Variants in SMG6 observed in about 807,000 individuals in gnomAD.
The protein encoded by SMG6 is telomerase-binding protein EST1A.
In SMG6, 66 loss-of-function variants were observed where a neutral mutation model predicts 142.2. The observed-to-expected ratio is 0.46, with a 90% CI of 0.38 to 0.57. SMG6 has a LOEUF of 0.57. Ranked by LOEUF, SMG6 falls within the 20% of genes least tolerant of loss-of-function variation. The probability of loss-of-function intolerance (pLI) is 0.00; values close to 1 mark genes in which losing one functional copy is unlikely to be tolerated. For synonymous variants in SMG6, 779 were observed against 702.4 expected (o/e 1.11, Z -1.72); for missense variants, 1,793 against 1,832.0 (o/e 0.98, Z 0.39).
At chr17:2,298,662 G>A (rs1420226480) in intron 2 of SMG6, among the ~76,000 whole-genome samples, 1 of 151,100 alleles carries the variant, frequency 6.6e-6, no homozygotes, top group Non-Finnish European at 1.5e-5. Context: ...AGTTTGTAGT[G>A]AGCCAAGATC....
In SMG6 at chr17:2,299,900, T is replaced by C; in HGVS notation, c.853A>G (p.Arg285Gly). The C allele has an allele frequency of 6.2e-7, 1 of 1,614,200 alleles. No homozygotes were observed. ...DNGCRRRRQD[R>G]TKERPRLKKQ... ...TTCAGTCGTGGCCTCTCCTTGGTCC[T>C]ATCCTGTCGGCGGCGGCGACATCCA... Residue 285 changes from arginine (R) to glycine (G), a missense_variant, in exon 2 of 19, where the codon AGG becomes GGG. Transcript: ENST00000263073. The surrounding 1 kb of genome is among the most constrained non-coding windows in gnomAD (Gnocchi z 4.3).
chr17:2,090,532 G>A (rs895129485), intron 13 of SMG6, among the ~76,000 whole-genome samples: 8 of 152,192 alleles, frequency 5.3e-5, no homozygotes, highest in Non-Finnish European at 7.3e-5. Flanking sequence ...TGAGGGACTC[G>A]CTCTATCGTT....
intron 10 of SMG6, among the ~76,000 whole-genome samples, chr17:2,232,232 C>T (rs1262432875): frequency 2.0e-5 from 3 of 152,062 alleles, no homozygotes; most frequent in Non-Finnish European, 4.4e-5. Context: ...CCTTAAATTA[C>T]AAAATTTTTA....
At chr17:2,129,935 A>G (rs1463546701) in intron 13 of SMG6, among the ~76,000 whole-genome samples, 1 of 151,908 alleles carries the variant, frequency 6.6e-6, no homozygotes, top group Non-Finnish European at 1.5e-5. Flanking sequence ...CAGTTCAGTA[A>G]AGTTGATAGA....
At chr17:2,263,880 T>C (rs1003373102) in intron 8 of SMG6, among the ~76,000 whole-genome samples, 1 of 152,126 alleles carries the variant, frequency 6.6e-6, no homozygotes. Flanking sequence ...GGTAGAGAGA[T>C]GAAATTCTGG....
In SMG6 at chr17:2,236,610, C is replaced by G. The variant is rs2073661467; in HGVS notation, c.2751G>C (p.Glu917Asp). ...IGMETFPAVA[E>D]KVLKEFQVLL... ...ACACCTGGAACTCCTTGAGGACCTT[C>G]TCAGCCACTGCAGGGAATGTCTCCA... is the stretch of plus-strand genomic sequence containing the variant. Residue 917 changes from glutamate to aspartate, a missense_variant, in exon 10 of 19, where the codon GAG becomes GAC. By Grantham distance (45) the Glu-to-Asp change is conservative. Coordinates refer to ENST00000263073, the MANE Select transcript of SMG6 (RefSeq NM_017575.5). 1 of 1,613,234 alleles carries G rather than the reference C, an allele frequency of 6.2e-7. No individual in the cohort carries two copies. Among genetic ancestry groups the G allele is most frequent in the Non-Finnish European group, 8.5e-7 (1 of 1,179,718 alleles).
intron 12 of SMG6, among the ~76,000 whole-genome samples, chr17:2,175,785 A>G (rs2071637248): frequency 2.0e-5 from 3 of 152,244 alleles, no homozygotes; most frequent in Non-Finnish European, 2.9e-5. Context: ...GTGCAGAACC[A>G]AGGAAATACA....
intron 13 of SMG6, among the ~76,000 whole-genome samples, chr17:2,167,550 C>T (rs935052345): frequency 4.6e-5 from 7 of 152,152 alleles, no homozygotes; most frequent in Non-Finnish European, 8.8e-5. Flanking sequence ...ACGCCTTCAC[C>T]GGGGTATTAC....
intron 6 of SMG6, among the ~76,000 whole-genome samples, chr17:2,290,014 T>C (rs999812078): frequency 2.6e-4 from 39 of 150,924 alleles, no homozygotes; most frequent in South Asian, 2.1e-4. Flanking sequence ...TTTCTCCCAA[T>C]AGCAAATCAG....
At chr17:2,098,479 T>TG (rs1222390902) in intron 13 of SMG6, among the ~76,000 whole-genome samples, 1 of 152,210 alleles carries the variant, frequency 6.6e-6, no homozygotes, top group Non-Finnish European at 1.5e-5. Flanking sequence ...TAAGTGTGGC[T>TG]GACTTTTTGG....
intron 8 of SMG6, chr17:2,256,031 G>C (rs933110291): frequency 6.1e-5 from 11 of 179,850 alleles, no homozygotes; most frequent in Non-Finnish European, 1.1e-4. Flanking sequence ...CAAATACCCA[G>C]AGACACAAAC....
intron 13 of SMG6, among the ~76,000 whole-genome samples, chr17:2,122,190 TAAAC>T (rs1378511650): frequency 6.6e-6 from 1 of 151,910 alleles, no homozygotes; most frequent in African/African-American, 2.4e-5. Context: ...GAGAGAGAAA[TAAAC>T]AGATAACATG....
At chr17:2,113,598 T>TA (rs1385885053) in intron 13 of SMG6, among the ~76,000 whole-genome samples, 1 of 152,200 alleles carries the variant, frequency 6.6e-6, no homozygotes, top group Non-Finnish European at 1.5e-5. Context: ...AAGTGAGCTA[T>TA]ATGGCATTCT....
intron 6 of SMG6, among the ~76,000 whole-genome samples, chr17:2,291,200 G>A (rs1456714351): frequency 8.5e-5 from 13 of 152,186 alleles, no homozygotes; most frequent in African/African-American, 1.7e-4. Context: ...GCGTGGTGGC[G>A]GGCGCCTGTA....
At chr17:2,138,499 G>T (rs958395446) in intron 13 of SMG6, among the ~76,000 whole-genome samples, 16 of 152,152 alleles carry the variant, frequency 1.1e-4, no homozygotes, top group Admixed American at 3.9e-4. Flanking sequence ...CCACCAGCCT[G>T]ACCCCTCCCA....
At chr17:2,185,053 G>T (rs2071934722) in intron 12 of SMG6, among the ~76,000 whole-genome samples, 1 of 151,510 alleles carries the variant, frequency 6.6e-6, no homozygotes, top group Admixed American at 6.6e-5. Context: ...CCTACTTGGG[G>T]ACACATGAAT....
At chr17:2,264,813 G>A (rs550042044) in intron 8 of SMG6, among the ~76,000 whole-genome samples, 5 of 151,722 alleles carry the variant, frequency 3.3e-5, no homozygotes, top group Non-Finnish European at 7.4e-5. Flanking sequence ...GGGAGGGGAG[G>A]ATTGCTTGAG....
chr17:2,219,066 G>A (rs1233213264), intron 10 of SMG6, among the ~76,000 whole-genome samples: 1 of 152,172 alleles, frequency 6.6e-6, no homozygotes, highest in Non-Finnish European at 1.5e-5. Context: ...GGCCTACATT[G>A]TGCCAAAGAC....
At chr17:2,120,783 T>C (rs1010734507) in intron 13 of SMG6, among the ~76,000 whole-genome samples, 1 of 151,986 alleles carries the variant, frequency 6.6e-6, no homozygotes, top group Non-Finnish European at 1.5e-5. Flanking sequence ...AAGCCAAAAA[T>C]GATATATCAC....
Sources: allele counts gnomAD v4.1 joint callset (sites outside exome capture counted in the v4.1 genomes callset), GRCh38; gene constraint gnomAD v4.1.1; non-coding constraint Gnocchi (gnomAD v3.1); transcripts MANE v1.5; gene names NCBI Gene and HGNC (gene_info 2026-07-23, HGNC 2026-07-21).